CFAP20DC: variants seen among roughly 807,000 people sequenced by gnomAD.
The protein encoded by CFAP20DC is protein CFAP20DC.
Under a neutral mutation model 101.7 loss-of-function variants are expected in CFAP20DC, and 84 were observed. The ratio of observed to expected loss-of-function variants is 0.83; its 90% CI spans 0.69 to 0.99. The LOEUF (loss-of-function observed/expected upper bound fraction) is 0.99, where lower values mean the gene tolerates loss of function less well. CFAP20DC is among the 50% of genes least tolerant of loss of function. CFAP20DC has a pLI of 0.00. For missense variants in CFAP20DC, 1,007 were observed against 970.3 expected (o/e 1.04, Z -0.50); for synonymous variants, 359 against 351.2 (o/e 1.02, Z -0.25).
intron 14 of CFAP20DC, among the ~76,000 whole-genome samples, chr3:58,830,706 T>C (rs908349945): frequency 1.2e-4 from 18 of 152,216 alleles, no homozygotes; most frequent in African/African-American, 3.1e-4. Flanking sequence ...AAAAATTGTA[T>C]AGCAAAAACA....
At chr3:59,042,662 G>A (rs1329336505) in intron 3 of CFAP20DC, among the ~76,000 whole-genome samples, 2 of 151,958 alleles carry the variant, frequency 1.3e-5, no homozygotes, top group Non-Finnish European at 2.9e-5. Context: ...TTTAGTGGAG[G>A]AGTAACATTA....
rs116680095 is a variant in CFAP20DC at position 58,728,656 on chromosome 3, T to C, written c.198-11028A>G. 8.2e-3 allele frequency among the ~76,000 whole-genome samples: 1,250 copies of C among 152,348 alleles called. 19 individuals are homozygous for C. The highest frequency in any genetic ancestry group is 0.029 in the African/African-American group (1,194 of 41,584). On this transcript the variant is annotated intron_variant, in intron 3 of 3. Transcript: ENST00000486145. This position sits in a 1 kb window ranked among gnomAD's most constrained non-coding sequence, Gnocchi z 4.7. ...TGTCAGAGTTCCATTCATTTTAGGC[T>C]GATTGTGGAGGAAATCATATGCCAG...
chr3:58,982,050 C>T (rs1390980793), intron 4 of CFAP20DC, among the ~76,000 whole-genome samples: 7 of 152,012 alleles, frequency 4.6e-5, no homozygotes, highest in East Asian at 1.9e-4. Flanking sequence ...GGGTGAAGGA[C>T]ATGAACAGAC....
chr3:58,827,857 A>G (rs559917425), intron 14 of CFAP20DC, among the ~76,000 whole-genome samples: 1 of 152,314 alleles, frequency 6.6e-6, no homozygotes, highest in South Asian at 2.1e-4. Flanking sequence ...GTGCCACTCA[A>G]AAACATATGT....
chr3:58,995,997 T>TCTATCTAG (rs1364165889), intron 4 of CFAP20DC, among the ~76,000 whole-genome samples: 2 of 151,788 alleles, frequency 1.3e-5, no homozygotes, highest in Non-Finnish European at 2.9e-5. Context: ...TATCTATCTA[T>TCTATCTAG]CTATCTATCT....
rs2067673647 is a variant in CFAP20DC at position 58,732,947 on chromosome 3, C to A, written c.198-15319G>T. Among the ~76,000 whole-genome samples, 1 of 152,206 alleles carries A rather than the reference C, an allele frequency of 6.6e-6. No homozygotes were observed. Among genetic ancestry groups the A allele is most frequent in the Admixed American group, 6.5e-5 (1 of 15,274 alleles). ...AATGCAAAGCTGAAGAGGATTATTT[C>A]TATAATTTCTTAACATAATCTTATC... On this transcript the variant is annotated intron_variant, in intron 3 of 3. Coordinates refer to the CFAP20DC transcript ENST00000486145. This position sits in a 1 kb window ranked among gnomAD's most constrained non-coding sequence, Gnocchi z 5.4.
rs113934827 is a variant in CFAP20DC at position 58,931,675 on chromosome 3, G to A, written c.393+5973C>T. ...ACCCAGGCAAATAGGGTCTGGAGTG[G>A]ACCTCTAGCAAACTCCAACGGACCT... On this transcript the variant is annotated intron_variant, in intron 5 of 16. Coordinates refer to ENST00000482387, the MANE Select transcript of CFAP20DC (RefSeq NM_001394063.1). 2.5e-3 allele frequency among the ~76,000 whole-genome samples: 359 copies of A among 144,230 alleles called. 2 individuals carry two copies. Among genetic ancestry groups the A allele is most frequent in the Middle Eastern group, 0.011 (3 of 282 alleles). The allele number at this position is 144,230 out of a possible 152,430, so 94.6% of individuals were successfully genotyped here. A position where few individuals can be genotyped will look rare whatever the true frequency, so the allele number is the denominator to read the frequency against.
chr3:58,731,196 A>C (rs1054367104), intron 3 of CFAP20DC, among the ~76,000 whole-genome samples: 1 of 152,208 alleles, frequency 6.6e-6, no homozygotes, highest in Non-Finnish European at 1.5e-5. Context: ...CTGTGTATGC[A>C]GTAGGGGAAA....
chr3:58,847,572 C>G lies in CFAP20DC; in HGVS notation c.1971+1460G>C, dbSNP rs148900660. Among the ~76,000 whole-genome samples the G allele has an allele frequency of 1.6e-4, 25 of 152,246 alleles. No homozygotes were observed. In the East Asian group the frequency reaches 4.4e-3, roughly 27 times the overall value. On this transcript the variant is annotated intron_variant, in intron 13 of 16. Coordinates refer to ENST00000482387, the MANE Select transcript of CFAP20DC (RefSeq NM_001394063.1). Reference sequence around the variant, plus strand: ...GAACACTTTTACACTGTTGCTGGGACTGTAAACTAGTTCAACCGTTGTGGA... The same window carrying G: ...GAACACTTTTACACTGTTGCTGGGAGTGTAAACTAGTTCAACCGTTGTGGA...
intron 4 of CFAP20DC, among the ~76,000 whole-genome samples, chr3:58,982,333 C>A (rs555883914): frequency 6.6e-6 from 1 of 152,230 alleles, no homozygotes; most frequent in South Asian, 2.1e-4. Context: ...ACTAGAAATA[C>A]CATTTGACCC....
At chr3:58,717,137 A>G (rs1459844422), downstream of CFAP20DC, among the ~76,000 whole-genome samples, 2 of 152,020 alleles carry the variant, frequency 1.3e-5, no homozygotes, top group African/African-American at 4.8e-5. The surrounding 1 kb of genome is among the most constrained non-coding windows in gnomAD (Gnocchi z 4.1). Context: ...AATGTCATCA[A>G]TGTAATGAAG....
intron 13 of CFAP20DC, among the ~76,000 whole-genome samples, chr3:58,839,666 GA>G (rs1216590277): frequency 6.6e-6 from 1 of 152,170 alleles, no homozygotes; most frequent in Non-Finnish European, 1.5e-5. Flanking sequence ...GAATATTAAA[GA>G]ATTGACAGTG....
chr3:58,968,925 T>C (rs1314406409), intron 4 of CFAP20DC, among the ~76,000 whole-genome samples: 2 of 152,232 alleles, frequency 1.3e-5, no homozygotes. Flanking sequence ...CTGTTCCAAA[T>C]GGCTAGCTAG....
chr3:59,027,013 A>T (rs2093905398), intron 4 of CFAP20DC, among the ~76,000 whole-genome samples: 1 of 152,196 alleles, frequency 6.6e-6, no homozygotes, highest in Non-Finnish European at 1.5e-5. Context: ...CATTAAAATA[A>T]AAGAGTTAGC....
At position 59,032,508 on chromosome 3, in the gene CFAP20DC, T is replaced by TG. The variant is rs567877503; in HGVS notation, c.278+7048dup. Among the ~76,000 whole-genome samples the TG allele has an allele frequency of 6.3e-4, 96 of 151,930 alleles. 2 individuals carry two copies. In the South Asian group the frequency reaches 0.019, roughly 31 times the overall value. ...GTCAATCTGGAACACTCGAGCTTGG[T>TG]GGGGGGAGGGGCATCCACCATTACT... On this transcript the variant is annotated intron_variant, in intron 4 of 16. Transcript: ENST00000482387.
chr3:58,718,200 C>A (rs2067423090), intron 3 of CFAP20DC, among the ~76,000 whole-genome samples: 1 of 152,206 alleles, frequency 6.6e-6, no homozygotes, highest in African/African-American at 2.4e-5. Flanking sequence ...ACTCACACTG[C>A]ACCCAGATGG....
chr3:58,752,542 G>T (rs990671630), intron 16 of CFAP20DC, among the ~76,000 whole-genome samples: 2 of 152,070 alleles, frequency 1.3e-5, no homozygotes, highest in Non-Finnish European at 2.9e-5. Context: ...CAAGGACCAC[G>T]CTCTCAGTTC....
At chr3:58,931,474 G>C (rs1347306814) in intron 5 of CFAP20DC, among the ~76,000 whole-genome samples, 3 of 151,688 alleles carry the variant, frequency 2.0e-5, no homozygotes, top group Non-Finnish European at 4.4e-5. Flanking sequence ...GCCTCCTCAA[G>C]TGGGTCCCTG....
At chr3:58,755,405 C>T (rs1297543604) in intron 15 of CFAP20DC, among the ~76,000 whole-genome samples, 1 of 152,138 alleles carries the variant, frequency 6.6e-6, no homozygotes, top group African/African-American at 2.4e-5. Flanking sequence ...ATTACAAGGT[C>T]ATATACAAAT....
Sources: allele counts gnomAD v4.1 joint callset (sites outside exome capture counted in the v4.1 genomes callset), GRCh38; gene constraint gnomAD v4.1.1; non-coding constraint Gnocchi (gnomAD v3.1); transcripts MANE v1.5; gene names NCBI Gene and HGNC (gene_info 2026-07-23, HGNC 2026-07-21).